Variants in ERFL observed in about 807,000 individuals in gnomAD.
ERFL encodes the protein ETS domain-containing transcription factor ERF-like.
In ERFL, 8 loss-of-function variants were observed where a neutral mutation model predicts 27.9. The ratio of observed to expected loss-of-function variants is 0.29; its 90% CI spans 0.17 to 0.52. The LOEUF is 0.52. ERFL is among the 20% of genes least tolerant of loss of function. ERFL has a pLI of 0.97. For missense variants in ERFL, 294 were observed against 444.4 expected (o/e 0.66, Z 3.04); for synonymous variants, 174 against 202.8 (o/e 0.86, Z 1.21).
chr19:41,908,713 G>T lies in ERFL; in HGVS notation c.617-37C>A. The T allele has an allele frequency of 2.6e-6, 3 of 1,142,346 alleles. No homozygotes were observed. Among genetic ancestry groups the T allele is most frequent in the South Asian group, 4.4e-5 (1 of 22,618 alleles). 70.8% of individuals were successfully genotyped at this position (1,142,346 alleles called of 1,614,324 possible). A position where few individuals can be genotyped will look rare whatever the true frequency, so the allele number is the denominator to read the frequency against. On this transcript the variant is annotated intron_variant, in intron 5 of 5. Coordinates refer to ENST00000597630, the MANE Select transcript of ERFL (RefSeq NM_001365103.2). This position sits in a 1 kb window ranked among gnomAD's most constrained non-coding sequence, Gnocchi z 6.7. ...AGGGGTAGGTCAGGCTGGGGCACCT[G>T]CCTGCCTGGGGACCAGTAAAGGGGG...
intron 1 of ERFL, among the ~76,000 whole-genome samples, chr19:41,924,297 G>A (rs1467935151): frequency 6.6e-6 from 1 of 152,042 alleles, no homozygotes; most frequent in Non-Finnish European, 1.5e-5. Flanking sequence ...AAGTCAGACA[G>A]CCTTGACTTG....
rs1243423474 is a variant in ERFL at position 41,917,729 on chromosome 19, C to T, written c.-13-4797G>A. Among the ~76,000 whole-genome samples the T allele has an allele frequency of 2.6e-5, 4 of 151,816 alleles. No homozygotes were observed. The highest frequency in any genetic ancestry group is 2.1e-4 in the South Asian group (1 of 4,830). On this transcript the variant is annotated intron_variant, in intron 1 of 5. Transcript: ENST00000597630. This position sits in a 1 kb window ranked among gnomAD's most constrained non-coding sequence, Gnocchi z 4.8. ...CAATCTGGGGACATATCTCTCCTTACGCCACACGCCCATGTAGGACACATC... is the reference window on the plus strand; with the variant it reads ...CAATCTGGGGACATATCTCTCCTTATGCCACACGCCCATGTAGGACACATC...
intron 1 of ERFL, among the ~76,000 whole-genome samples, chr19:41,918,554 A>G (rs1385414860): frequency 3.6e-5 from 5 of 139,930 alleles, no homozygotes; most frequent in Admixed American, 3.6e-4. Context: ...ACACACACAC[A>G]TCACTAACCC....
Position 41,916,022 on chromosome 19 carries a change from CT to C in ERFL, c.-13-3091del, listed in dbSNP as rs781910072. Among the ~76,000 whole-genome samples, 960 of 152,202 alleles carry C rather than the reference CT, an allele frequency of 6.3e-3. 11 individuals are homozygous for C. Among genetic ancestry groups the C allele is most frequent in the African/African-American group, 0.018 (737 of 41,506 alleles). On this transcript the variant is annotated intron_variant, in intron 1 of 5. Transcript: ENST00000597630. This position sits in a 1 kb window ranked among gnomAD's most constrained non-coding sequence, Gnocchi z 5.4. ...TTTTATTTTGCTTCCTCCACCCCCC[CT>C]TCGCCCCCCATCTCTACCGCCCGCA...
Position 41,908,972 on chromosome 19 carries a change from T to C in ERFL, c.616+88A>G. 1.2e-6 allele frequency: 1 copy of C among 845,776 alleles called. No homozygotes were observed. Among genetic ancestry groups the C allele is most frequent in the Non-Finnish European group, 1.6e-6 (1 of 637,222 alleles). 52.4% of individuals were successfully genotyped at this position (845,776 alleles called of 1,614,324 possible). A position where few individuals can be genotyped will look rare whatever the true frequency, so the allele number is the denominator to read the frequency against. ...CTGGCCCTGGGCCCCCTTCCCCATC[T>C]CTTCTCTTGTCTTTTCTCATCCTCT... On this transcript the variant is annotated intron_variant, in intron 5 of 5. Coordinates refer to ENST00000597630, the MANE Select transcript of ERFL (RefSeq NM_001365103.2). This position sits in a 1 kb window ranked among gnomAD's most constrained non-coding sequence, Gnocchi z 6.7.
Position 41,908,651 on chromosome 19 carries a change from A to G in ERFL, c.642T>C (p.Pro214=). Residue 214 remains proline, a synonymous_variant, in exon 6 of 6, where the codon CCT becomes CCC. Transcript: ENST00000597630. The surrounding 1 kb of genome is among the most constrained non-coding windows in gnomAD (Gnocchi z 6.7). ...CGCGGCCATAAGGACCCAGCAGGCCAGGGGGCTTGGAATAGCTGGTGGCAC... is the reference window on the plus strand; with the variant it reads ...CGCGGCCATAAGGACCCAGCAGGCCGGGGGGCTTGGAATAGCTGGTGGCAC... The part of the protein sequence containing the change: ...GSGATSYSKP[P]GLLGPYGRAF... The G allele has an allele frequency of 3.2e-6, 4 of 1,231,570 alleles. No homozygotes were observed. The highest frequency in any genetic ancestry group is 4.0e-6 in the Non-Finnish European group (4 of 987,994). 76.3% of individuals were successfully genotyped at this position (1,231,570 alleles called of 1,614,324 possible).
At chr19:41,922,371 A>G (rs1429628589) in intron 1 of ERFL, among the ~76,000 whole-genome samples, 1 of 152,186 alleles carries the variant, frequency 6.6e-6, no homozygotes, top group East Asian at 1.9e-4. Flanking sequence ...GCAAAGAGAC[A>G]GGGTCAGAGG....
In ERFL at chr19:41,917,359, G is replaced by GC. The variant is rs1201887521; in HGVS notation, c.-13-4428dup. 1.3e-5 allele frequency among the ~76,000 whole-genome samples: 2 copies of GC among 150,994 alleles called. No individual in the cohort carries two copies. The highest frequency in any genetic ancestry group is 4.9e-5 in the African/African-American group (2 of 40,924). On this transcript the variant is annotated intron_variant, in intron 1 of 5. Coordinates refer to ENST00000597630, the MANE Select transcript of ERFL (RefSeq NM_001365103.2). The surrounding 1 kb of genome is among the most constrained non-coding windows in gnomAD (Gnocchi z 4.8). ...CTGTCTCCTAACGCCCCATCACCAC[G>GC]CCCCCCTGGGCTGGGGTTTAACCAG...
At chr19:41,911,111 C>T (rs2074749075) in intron 2 of ERFL, among the ~76,000 whole-genome samples, 1 of 152,168 alleles carries the variant, frequency 6.6e-6, no homozygotes, top group Non-Finnish European at 1.5e-5. Flanking sequence ...ACTTCCCAAA[C>T]CTGCACACAG....
At chr19:41,911,814 T>C (rs1555851281) in intron 2 of ERFL, among the ~76,000 whole-genome samples, 3 of 152,082 alleles carry the variant, frequency 2.0e-5, no homozygotes, top group African/African-American at 7.3e-5. Context: ...CTCAAATATG[T>C]TGTACCTATG....
At chr19:41,912,037 C>G (rs1039554579) in intron 2 of ERFL, among the ~76,000 whole-genome samples, 38 of 152,016 alleles carry the variant, frequency 2.5e-4, no homozygotes, top group African/African-American at 8.9e-4. Context: ...CGAGACAGAC[C>G]GCAAGAAACA....
Position 41,916,839 on chromosome 19 carries a change from G to A in ERFL, c.-13-3907C>T, listed in dbSNP as rs1414868093. ...ACCAAGATCACGGACCCAAACATAC[G>A]ACCGACAGCGGCCCCTGCAGAGGTA... On this transcript the variant is annotated intron_variant, in intron 1 of 5. Coordinates refer to ENST00000597630, the MANE Select transcript of ERFL (RefSeq NM_001365103.2). This position sits in a 1 kb window ranked among gnomAD's most constrained non-coding sequence, Gnocchi z 5.4. Among the ~76,000 whole-genome samples, 3 of 127,018 alleles carry A rather than the reference G, an allele frequency of 2.4e-5. No homozygotes were observed. Among genetic ancestry groups the A allele is most frequent in the African/African-American group, 1.1e-4 (2 of 18,598 alleles). 83.3% of individuals were successfully genotyped at this position (127,018 alleles called of 152,430 possible). A position where few individuals can be genotyped will look rare whatever the true frequency, so the allele number is the denominator to read the frequency against.
At position 41,917,530 on chromosome 19, in the gene ERFL, A is replaced by AT. The variant is rs576333953; in HGVS notation, c.-13-4599dup. On this transcript the variant is annotated intron_variant, in intron 1 of 5. Coordinates refer to ENST00000597630, the MANE Select transcript of ERFL (RefSeq NM_001365103.2). This position sits in a 1 kb window ranked among gnomAD's most constrained non-coding sequence, Gnocchi z 4.8. ...ATCTGCACAATCGGAATGAAAATTG[A>AT]TTTTTTTTTTAAATTTCATATCTTC... 1.5e-3 allele frequency among the ~76,000 whole-genome samples: 203 copies of AT among 138,508 alleles called. 1 individual carries two copies. In the Middle Eastern group the frequency reaches 0.018, roughly 13 times the overall value. 90.9% of individuals were successfully genotyped at this position (138,508 alleles called of 152,430 possible).
chr19:41,911,179 CA>C (rs1555851212), intron 2 of ERFL, among the ~76,000 whole-genome samples: 1 of 152,144 alleles, frequency 6.6e-6, no homozygotes, highest in African/African-American at 2.4e-5. Context: ...GTCTCACATG[CA>C]GAGGGGAGTA....
intron 1 of ERFL, among the ~76,000 whole-genome samples, chr19:41,920,842 A>G (rs2074837680): frequency 3.3e-5 from 5 of 152,126 alleles, no homozygotes; most frequent in Admixed American, 2.6e-4. Flanking sequence ...AGAGGTGGGG[A>G]GGCTCCAGGC....
intron 1 of ERFL, among the ~76,000 whole-genome samples, chr19:41,914,817 C>CATCTCT (rs1568832338): frequency 4.4e-5 from 1 of 22,972 alleles, no homozygotes; most frequent in Non-Finnish European, 1.0e-4. Flanking sequence ...CCCCCTCCAC[C>CATCTCT]GTGTCTCCCC....
intron 1 of ERFL, chr19:41,923,154 T>A (rs782289361): frequency 6.6e-6 from 3 of 456,472 alleles, no homozygotes; most frequent in South Asian, 3.1e-5. Context: ...ATTTCACAGA[T>A]GTGGAAACTG....
chr19:41,918,100 C>T (rs952094024), intron 1 of ERFL, among the ~76,000 whole-genome samples: 2 of 151,996 alleles, frequency 1.3e-5, no homozygotes, highest in Non-Finnish European at 1.5e-5. Context: ...CCCCCCATCC[C>T]GGACGCCACC....
chr19:41,915,384 C>A (rs905588400), intron 1 of ERFL, among the ~76,000 whole-genome samples: 2 of 151,684 alleles, frequency 1.3e-5, no homozygotes, highest in Non-Finnish European at 2.9e-5. Context: ...CCCATCGCCT[C>A]TGCCGCCCTG....
Sources: gnomAD v4.1 joint callset for allele counts (sites outside exome capture counted in the v4.1 genomes callset) on GRCh38, gnomAD v4.1.1 for gene constraint, Gnocchi (gnomAD v3.1) non-coding constraint, MANE v1.5 for transcripts, NCBI Gene and HGNC (gene_info 2026-07-23, HGNC 2026-07-21) for gene names.